The following MEGF10 variants were observed in gnomAD, a reference collection of about 807,000 sequenced individuals.
MEGF10 encodes multiple epidermal growth factor-like domains protein 10.
In MEGF10, 86 loss-of-function variants were observed where a neutral mutation model predicts 147.5. The ratio of observed to expected loss-of-function variants is 0.58; its 90% confidence interval spans 0.49 to 0.70. The LOEUF is 0.70. Among genes scored for constraint, MEGF10 ranks in the 30% least tolerant of loss-of-function variants. MEGF10 has a pLI of 0.00. For synonymous variants in MEGF10, 478 were observed against 525.5 expected (o/e 0.91, Z 1.24); for missense variants, 1,329 against 1,487.3 (o/e 0.89, Z 1.75).
At chr5:127,319,210 G>A (rs1322171228) in intron 1 of MEGF10, among the ~76,000 whole-genome samples, 1 of 151,920 alleles carries the variant, frequency 6.6e-6, no homozygotes, top group Non-Finnish European at 1.5e-5. Context: ...CAAATAGCTG[G>A]GATTACAGGC....
At chr5:127,373,625 A>G (rs764300085) in intron 5 of MEGF10, among the ~76,000 whole-genome samples, 36 of 152,320 alleles carry the variant, frequency 2.4e-4, no homozygotes, top group Non-Finnish European at 4.3e-4. Context: ...ATAAACCAAG[A>G]TCTAGGTGCT....
At chr5:127,246,819 G>T in the MEGF10 span, among the ~76,000 whole-genome samples, 77 of 8,512 alleles carry the variant, frequency 9.0e-3, 1 homozygote, top group African/African-American at 0.025. Flanking sequence ...TAAAATAATA[G>T]ATAATATATA....
chr5:127,296,497 C>T (rs1396848022), intron 1 of MEGF10, among the ~76,000 whole-genome samples: 1 of 152,138 alleles, frequency 6.6e-6, no homozygotes. Flanking sequence ...TTGATAGGTA[C>T]ATGTGCAGGA....
chr5:127,422,686 T>G lies in MEGF10; in HGVS notation c.1607T>G (p.Leu536Arg), dbSNP rs747873214. 2 of 1,614,046 alleles carry G rather than the reference T, an allele frequency of 1.2e-6. No homozygotes were observed. Among genetic ancestry groups the G allele is most frequent in the Admixed American group, 3.3e-5 (2 of 60,028 alleles). The change falls in exon 13 of 25, where the codon CTG (leucine) becomes CGG (arginine). Residue 536 changes from leucine (L) to arginine (R), a missense_variant. This residue lies in a region of MEGF10 where 980 missense variants were observed against 1,085.9 expected (regional missense o/e 0.90). Coordinates refer to ENST00000503335, the MANE Select transcript of MEGF10 (RefSeq NM_001256545.2). ...ELPCQDGTYG[L>R]NCAERCDCSH... ...TCCATGCAGGATGGCACGTACGGGC[T>G]GAACTGTGCTGAGCGCTGCGACTGC...
chr5:127,315,630 CA>C (rs1760513994), intron 1 of MEGF10, among the ~76,000 whole-genome samples: 1 of 151,920 alleles, frequency 6.6e-6, no homozygotes, highest in Non-Finnish European at 1.5e-5. Flanking sequence ...AAAAATTAGC[CA>C]GGTGTGTTGG....
chr5:127,377,837 C>G (rs554814324), intron 5 of MEGF10, among the ~76,000 whole-genome samples: 4 of 152,224 alleles, frequency 2.6e-5, no homozygotes, highest in African/African-American at 9.6e-5. Flanking sequence ...AGGCCTGTTG[C>G]GCTGTCAGAA....
chr5:127,356,101 A>G (rs377045325), intron 4 of MEGF10, among the ~76,000 whole-genome samples: 1 of 152,374 alleles, frequency 6.6e-6, no homozygotes, highest in East Asian at 1.9e-4. Context: ...TTCAGGGCAA[A>G]GTAATTTAAA....
intron 4 of MEGF10, among the ~76,000 whole-genome samples, chr5:127,359,934 G>A (rs181490410): frequency 1.9e-4 from 29 of 152,202 alleles, no homozygotes; most frequent in Admixed American, 1.1e-3. Context: ...TGATACAGAA[G>A]TGTTCAGAGA....
chr5:127,457,246 A>C lies in MEGF10; in HGVS notation c.3351A>C (p.Arg1117=), dbSNP rs2127049418. 2.5e-6 allele frequency: 4 copies of C among 1,614,132 alleles called. No individual in the cohort carries two copies. Among genetic ancestry groups the C allele is most frequent in the Non-Finnish European group, 3.4e-6 (4 of 1,180,016 alleles). ...GTCATTATGACCTGCTGCCAGTCCG[A>C]GACAGTTCATCCTCCCCTAAGCAAG... The part of the protein sequence containing the change: ...IPCHYDLLPV[R]DSSSSPKQED... Residue 1117 remains arginine, a synonymous_variant, in exon 25 of 25, where the codon CGA becomes CGC. Transcript: ENST00000503335.
At chr5:127,345,192 A>G (rs1283351814) in intron 4 of MEGF10, among the ~76,000 whole-genome samples, 1 of 152,150 alleles carries the variant, frequency 6.6e-6, no homozygotes, top group Non-Finnish European at 1.5e-5. Flanking sequence ...AGATTCTTGG[A>G]GAAAAAACTC....
intron 13 of MEGF10, among the ~76,000 whole-genome samples, chr5:127,423,188 G>A (rs1268138939): frequency 6.6e-6 from 1 of 152,196 alleles, no homozygotes; most frequent in Non-Finnish European, 1.5e-5. Flanking sequence ...TTATTGTATG[G>A]TTAATATGCA....
intron 4 of MEGF10, among the ~76,000 whole-genome samples, chr5:127,347,412 A>G (rs1168277105): frequency 6.6e-6 from 1 of 152,054 alleles, no homozygotes; most frequent in Non-Finnish European, 1.5e-5. Context: ...CAGTTTTTAT[A>G]ATAAATATTT....
chr5:127,413,844 A>G (rs1412042302), intron 9 of MEGF10, among the ~76,000 whole-genome samples: 1 of 152,206 alleles, frequency 6.6e-6, no homozygotes, highest in African/African-American at 2.4e-5. Context: ...GTGCTGCACT[A>G]ACACTCACTG....
chr5:127,420,314 C>A, intron 12 of MEGF10, 107 bp downstream of exon 12: 1 of 1,240,758 alleles, frequency 8.1e-7, no homozygotes, highest in Non-Finnish European at 1.1e-6. Context: ...ACTGTGAACC[C>A]AACTTCGGTA....
chr5:127,230,491 G>T, the MEGF10 span, among the ~76,000 whole-genome samples: 1 of 152,126 alleles, frequency 6.6e-6, no homozygotes, highest in East Asian at 1.9e-4. Flanking sequence ...TGCTCTGGGA[G>T]TCCCAGATCT....
intron 8 of MEGF10, among the ~76,000 whole-genome samples, chr5:127,406,722 A>C (rs745717586): frequency 6.6e-6 from 1 of 152,186 alleles, no homozygotes; most frequent in Non-Finnish European, 1.5e-5. Context: ...AGATTGCCCA[A>C]ATAAAAGGCT....
chr5:127,421,540 A>G (rs1249328447), intron 12 of MEGF10, among the ~76,000 whole-genome samples: 1 of 152,154 alleles, frequency 6.6e-6, no homozygotes, highest in Admixed American at 6.5e-5. Flanking sequence ...TTCTTTCTCC[A>G]TAAACAAAAC....
chr5:127,342,543 G>A (rs886903349), intron 4 of MEGF10, among the ~76,000 whole-genome samples: 1 of 152,038 alleles, frequency 6.6e-6, no homozygotes, highest in Non-Finnish European at 1.5e-5. Context: ...CTGGTGGGGG[G>A]GTGTAGATCC....
the MEGF10 span, among the ~76,000 whole-genome samples, chr5:127,262,331 C>T: frequency 6.6e-6 from 1 of 152,148 alleles, no homozygotes; most frequent in Admixed American, 6.5e-5. Flanking sequence ...TTGCATATGG[C>T]TATCCAGGTG....
Sources: gnomAD v4.1 joint callset for allele counts (sites outside exome capture counted in the v4.1 genomes callset) on GRCh38, gnomAD v4.1.1 for gene constraint, gnomAD v4.1.1 regional missense constraint, MANE v1.5 for transcripts, NCBI Gene and HGNC (gene_info 2026-07-23, HGNC 2026-07-21) for gene names.